The following RTN3 variants were observed in gnomAD, a reference collection of about 807,000 sequenced individuals.
RTN3 encodes the protein reticulon 3.
RTN3 carries 49 observed loss-of-function variants against 77.8 expected under a neutral mutation model. That is an observed-to-expected ratio of 0.63 (90% CI 0.50 to 0.80). RTN3 has a LOEUF of 0.80. Among genes scored for constraint, RTN3 ranks in the 30% least tolerant of loss-of-function variants. The pLI is 0.00. For synonymous variants in RTN3, 464 were observed against 446.9 expected, an observed-to-expected ratio of 1.04 and a Z score of -0.48; for missense variants, 1,236 against 1,211.9, an observed-to-expected ratio of 1.02 and a Z score of -0.29.
chr11:63,728,120 T>A (rs942194841), intron 3 of RTN3, among the ~76,000 whole-genome samples: 1 of 152,108 alleles, frequency 6.6e-6, no homozygotes, highest in African/African-American at 2.4e-5. Flanking sequence ...CGGGATAAAA[T>A]CTAGGAGAGA....
rs2012322957 is a variant in RTN3, at chr11:63,726,916, A to T, written c.2530+5884A>T. On this transcript the variant is annotated intron_variant, in intron 3 of 8. Coordinates refer to ENST00000377819, the MANE Select transcript of RTN3 (RefSeq NM_001265589.2). ...CGAGTTTGTAGTTTGAAGGCCAGGC[A>T]CAGTGGCTCATGCCTGTAATCCCAG... 2.7e-5 allele frequency among the ~76,000 whole-genome samples: 4 copies of T among 149,124 alleles called. No homozygotes were observed. In the South Asian group the frequency reaches 8.5e-4, roughly 32 times the overall value.
At chr11:63,685,698 A>T (rs1468676419) in intron 1 of RTN3, among the ~76,000 whole-genome samples, 2 of 152,046 alleles carry the variant, frequency 1.3e-5, no homozygotes, top group Admixed American at 1.3e-4. Flanking sequence ...TTAAAAAAAA[A>T]ATCTGTACGT....
intron 2 of RTN3, chr11:63,714,366 T>G (rs1044960704): frequency 1.6e-5 from 3 of 192,832 alleles, no homozygotes; most frequent in African/African-American, 4.8e-5. Flanking sequence ...CCCTCTAAGC[T>G]TGTCCCCAGA....
In RTN3 at chr11:63,734,734, AACACACAC is replaced by A. The variant is rs754454322; in HGVS notation, c.2530+13743_2530+13750del. ...GTGATAGAGGGAGACTCTGTCTCAA[AACACACAC>A]ACACACACACACACACACACACACA... is the stretch of plus-strand genomic sequence containing the variant. On this transcript the variant is annotated intron_variant, in intron 3 of 8. Coordinates refer to ENST00000377819, the MANE Select transcript of RTN3 (RefSeq NM_001265589.2). Among the ~76,000 whole-genome samples the A allele has an allele frequency of 4.5e-3, 366 of 81,312 alleles. 1 individual carries two copies. Among genetic ancestry groups the A allele is most frequent in the Middle Eastern group, 0.011 (2 of 186 alleles). The allele number at this position is 81,312 out of a possible 152,430, so 53.3% of individuals were successfully genotyped here.
In RTN3 at chr11:63,719,179, ATTC is replaced by A; in HGVS notation, c.680_682del (p.Ser227del). The A allele has an allele frequency of 6.2e-7, 1 of 1,614,222 alleles. No individual in the cohort carries two copies. Among genetic ancestry groups the A allele is most frequent in the Non-Finnish European group, 8.5e-7 (1 of 1,180,034 alleles). The stretch of plus-strand genomic sequence containing the variant: ...TCTAAGGTAGAAGGCATTTATACAT[ATTC>A]TTTGTCTCCATCCAAAGTTTCAGGA... On this transcript the variant is annotated inframe_deletion, in exon 3 of 9. Coordinates refer to ENST00000377819, the MANE Select transcript of RTN3 (RefSeq NM_001265589.2).
chr11:63,720,308 G>A lies in RTN3; in HGVS notation c.1806G>A (p.Lys602=), dbSNP rs749267907. ...ATGTGAGTGAAGTTGCTCCTGAAAA[G>A]CCTATTACTACTGAGAACCCCAAAC... ...LEDVSEVAPE[K]PITTENPKLP... Residue 602 remains lysine (K), a synonymous_variant, in exon 3 of 9, where the codon AAG becomes AAA. Transcript: ENST00000377819. 1.9e-6 allele frequency: 3 copies of A among 1,613,634 alleles called. No individual in the cohort carries two copies. The highest frequency in any genetic ancestry group is 1.7e-6 in the Non-Finnish European group (2 of 1,179,790).
At chr11:63,722,621 AC>A (rs2011904317) in intron 3 of RTN3, among the ~76,000 whole-genome samples, 1 of 152,130 alleles carries the variant, frequency 6.6e-6, no homozygotes, top group African/African-American at 2.4e-5. Flanking sequence ...TTTTTGATAA[AC>A]CAAAAATTTT....
intron 3 of RTN3, among the ~76,000 whole-genome samples, chr11:63,738,981 T>G (rs2013309010): frequency 6.6e-6 from 1 of 152,136 alleles, no homozygotes; most frequent in African/African-American, 2.4e-5. Flanking sequence ...GCCGGCGTCC[T>G]TAAATAACAG....
At chr11:63,748,724 A>G (rs1331557002) in intron 3 of RTN3, among the ~76,000 whole-genome samples, 13 of 141,392 alleles carry the variant, frequency 9.2e-5, no homozygotes, top group Admixed American at 2.2e-4. Context: ...CTGGAATGCA[A>G]TGGCGCGATC....
chr11:63,703,667 C>G (rs1251735477), intron 1 of RTN3, among the ~76,000 whole-genome samples: 1 of 151,488 alleles, frequency 6.6e-6, no homozygotes, highest in South Asian at 2.1e-4. Flanking sequence ...CTCAGCCTCC[C>G]GAGTAGCTGG....
intron 3 of RTN3, among the ~76,000 whole-genome samples, chr11:63,744,549 C>G (rs2013685194): frequency 6.6e-6 from 1 of 152,020 alleles, no homozygotes. Flanking sequence ...ATTTGTACAT[C>G]TAAACATTAA....
In RTN3 at chr11:63,718,641, G is replaced by C; in HGVS notation, c.200-61G>C. The C allele has an allele frequency of 4.0e-6, 5 of 1,263,686 alleles. No individual in the cohort carries two copies. The South Asian group carries it at 8.6e-5, about 22-fold the overall frequency. 78.3% of individuals were successfully genotyped at this position (1,263,686 alleles called of 1,614,324 possible). ...AAATAAAAAGCATGCTGCTTGGCTTGGCTAGCTAATGTGTAATTGTACCTG... is the reference window on the plus strand; with the variant it reads ...AAATAAAAAGCATGCTGCTTGGCTTCGCTAGCTAATGTGTAATTGTACCTG... On this transcript the variant is annotated intron_variant, in intron 2 of 8. Transcript: ENST00000377819.
At chr11:63,732,094 T>TA (rs1173852654) in intron 3 of RTN3, among the ~76,000 whole-genome samples, 7 of 152,038 alleles carry the variant, frequency 4.6e-5, no homozygotes, top group Admixed American at 4.6e-4. Context: ...ATCAATGGAA[T>TA]AAAAAAACAA....
chr11:63,727,045 G>T (rs183055006), intron 3 of RTN3, among the ~76,000 whole-genome samples: 23 of 151,918 alleles, frequency 1.5e-4, no homozygotes, highest in Admixed American at 1.3e-3. Flanking sequence ...ACAAAATTAA[G>T]CCAGGCATGG....
In RTN3 at chr11:63,720,596, C is replaced by T. The variant is rs143833769; in HGVS notation, c.2094C>T (p.Ser698=). 1.0e-4 allele frequency: 164 copies of T among 1,613,746 alleles called. No homozygotes were observed. The African/African-American group carries it at 1.6e-3, about 16-fold the overall frequency. The change falls in exon 3 of 9, where the codon TCC becomes TCT. Residue 698 remains serine, a synonymous_variant. Transcript: ENST00000377819. ...TAGAAGTCTTACATGAAAATGAGTC[C>T]GGTGGTTCTGAAATTAAAGACATTG... ...PPVEVLHENE[S]GGSEIKDIGS...
intron 3 of RTN3, among the ~76,000 whole-genome samples, chr11:63,742,141 G>A (rs950357490): frequency 2.7e-5 from 4 of 150,882 alleles, no homozygotes; most frequent in Admixed American, 2.0e-4. Context: ...CACCACACCC[G>A]GCTAATTTTT....
intron 3 of RTN3, among the ~76,000 whole-genome samples, chr11:63,735,305 T>C (rs1202746725): frequency 6.6e-6 from 1 of 152,114 alleles, no homozygotes; most frequent in Non-Finnish European, 1.5e-5. Context: ...AAATTATTTT[T>C]TTAAATAAGT....
Position 63,750,158 on chromosome 11 carries a change from A to G in RTN3, c.2698A>G (p.Ile900Val), listed in dbSNP as rs2014024500. The G allele has an allele frequency of 1.5e-5, 24 of 1,612,890 alleles. No individual in the cohort carries two copies. The East Asian group carries it at 5.3e-4, about 36-fold the overall frequency. ...CAGCTTCAGGATCTACAAGTCCGTC[A>G]TCCAAGCTGTACAGAAGTCAGAAGA... ...TISFRIYKSV[I>V]QAVQKSEEGH... is the part of the protein sequence containing the mutation. The change falls in exon 4 of 9, where the codon ATC becomes GTC. Residue 900 changes from isoleucine (I) to valine (V), a missense_variant. Physicochemically the swap from Ile to Val is conservative, Grantham distance 29. Coordinates refer to ENST00000377819, the MANE Select transcript of RTN3 (RefSeq NM_001265589.2).
intron 2 of RTN3, among the ~76,000 whole-genome samples, chr11:63,712,481 TG>T (rs1332680847): frequency 8.1e-6 from 1 of 123,296 alleles, no homozygotes; most frequent in Non-Finnish European, 1.6e-5. Context: ...TAAAGGACTT[TG>T]ATTTTTTTTT....
Sources: allele counts gnomAD v4.1 joint callset (sites outside exome capture counted in the v4.1 genomes callset), GRCh38; gene constraint gnomAD v4.1.1; transcripts MANE v1.5; gene names NCBI Gene and HGNC (gene_info 2026-07-23, HGNC 2026-07-21).